TBC1D1: variants seen among roughly 807,000 people sequenced by gnomAD.
TBC1D1 encodes TBC1 (tre-2/USP6, BUB2, cdc16) domain family, member 1.
TBC1D1 carries 89 observed loss-of-function variants against 125.6 expected under a neutral mutation model. That is an observed-to-expected ratio of 0.71 (90% CI 0.60 to 0.85). TBC1D1 has a LOEUF of 0.85. Ranked by LOEUF, TBC1D1 falls within the 40% of genes least tolerant of loss-of-function variation. TBC1D1 has a pLI of 0.00. For missense variants in TBC1D1, 1,377 were observed against 1,469.2 expected, an observed-to-expected ratio of 0.94 and a Z score of 1.03; for synonymous variants, 565 against 564.1, an observed-to-expected ratio of 1.00 and a Z score of -0.02.
chr4:38,056,444 G>A (rs915119047), intron 12 of TBC1D1, among the ~76,000 whole-genome samples: 1 of 152,222 alleles, frequency 6.6e-6, no homozygotes, highest in Admixed American at 6.5e-5. Context: ...TCTGCTTTAA[G>A]TGATTAACTC....
intron 13 of TBC1D1, among the ~76,000 whole-genome samples, chr4:38,093,701 A>ATTT (rs71190953): frequency 1.3e-5 from 2 of 151,666 alleles, no homozygotes; most frequent in Non-Finnish European, 2.9e-5. Flanking sequence ...TATTATTAGT[A>ATTT]GTAGTAGTAG....
intron 2 of TBC1D1, among the ~76,000 whole-genome samples, chr4:37,911,596 A>G (rs981650311): frequency 6.6e-6 from 1 of 152,148 alleles, no homozygotes; most frequent in African/African-American, 2.4e-5. Context: ...CTGACCATGC[A>G]TTGGAAGTTG....
intron 2 of TBC1D1, among the ~76,000 whole-genome samples, chr4:37,929,434 T>A (rs1018092094): frequency 2.0e-5 from 3 of 152,142 alleles, no homozygotes; most frequent in African/African-American, 7.2e-5. Context: ...CCCCATGGGG[T>A]ATTTGTTAAG....
chr4:38,044,662 A>G (rs888020824), intron 9 of TBC1D1, among the ~76,000 whole-genome samples, 172 bp downstream of exon 9: 1 of 152,086 alleles, frequency 6.6e-6, no homozygotes, highest in Non-Finnish European at 1.5e-5. Flanking sequence ...ATTGTTTTTA[A>G]TTTGGCCTAG....
intron 17 of TBC1D1, among the ~76,000 whole-genome samples, 181 bp from the exon 20 acceptor site, chr4:38,124,781 A>G (rs1048871415): frequency 6.6e-6 from 1 of 152,116 alleles, no homozygotes; most frequent in African/African-American, 2.4e-5. Flanking sequence ...ATGTACTTTT[A>G]TTTGCAATAC....
intron 6 of TBC1D1, among the ~76,000 whole-genome samples, chr4:38,022,547 T>C (rs1744259618): frequency 6.6e-6 from 1 of 152,200 alleles, no homozygotes; most frequent in Non-Finnish European, 1.5e-5. Flanking sequence ...CAGCTAACTT[T>C]GTCTTTTTCA....
At position 38,059,678 on chromosome 4, in the gene TBC1D1, G is replaced by T. The variant is rs147665028; in HGVS notation, c.2050+5340G>T. On this transcript the variant is annotated intron_variant, in intron 12 of 19. Transcript: ENST00000261439. ...CTAGGCAGAGGGTGGCGTTAGCGAA[G>T]CTACTGCAGGTTGGGTGTGTTTAAG... 8.9e-3 allele frequency among the ~76,000 whole-genome samples: 1,351 copies of T among 152,342 alleles called. 20 individuals are homozygous for T. Among genetic ancestry groups the T allele is most frequent in the African/African-American group, 0.031 (1,285 of 41,566 alleles).
intron 12 of TBC1D1, among the ~76,000 whole-genome samples, chr4:38,067,602 A>T (rs1485043418): frequency 2.0e-5 from 3 of 152,146 alleles, no homozygotes. Context: ...GTCAGTGGGG[A>T]TACCTTTCCG....
At chr4:37,951,878 A>G in intron 2 of TBC1D1, 1 of 678,016 alleles carries the variant, frequency 1.5e-6, no homozygotes, top group Non-Finnish European at 2.8e-6. Context: ...AGCTATTACA[A>G]TACTGACATG....
intron 7 of TBC1D1, chr4:38,030,555 A>G (rs1745937786): frequency 6.6e-6 from 1 of 152,258 alleles, no homozygotes; most frequent in Non-Finnish European, 1.5e-5. Context: ...CTCAATGACC[A>G]TTCTTGGTTT....
chr4:37,918,675 C>T (rs546583218), intron 2 of TBC1D1, among the ~76,000 whole-genome samples: 5 of 152,060 alleles, frequency 3.3e-5, no homozygotes, highest in Admixed American at 1.3e-4. Flanking sequence ...CTCAAACTCC[C>T]GACCTCAGGT....
intron 2 of TBC1D1, among the ~76,000 whole-genome samples, chr4:38,011,947 C>G (rs1391377122): frequency 6.6e-6 from 1 of 152,200 alleles, no homozygotes; most frequent in African/African-American, 2.4e-5. Flanking sequence ...CCAACAAATT[C>G]ATGTGACTTC....
chr4:38,116,824 T>C (rs1328336789), intron 16 of TBC1D1, among the ~76,000 whole-genome samples: 1 of 152,192 alleles, frequency 6.6e-6, no homozygotes. Flanking sequence ...ATACTATGCC[T>C]TCAGAGCTCT....
At chr4:38,105,046 C>T (rs1305548025) in intron 15 of TBC1D1, among the ~76,000 whole-genome samples, 1 of 152,168 alleles carries the variant, frequency 6.6e-6, no homozygotes, top group Non-Finnish European at 1.5e-5. Flanking sequence ...TGAGCCACCA[C>T]ACCCGGCCCC....
chr4:38,123,427 G>A (rs1764164593), intron 17 of TBC1D1, among the ~76,000 whole-genome samples: 2 of 152,134 alleles, frequency 1.3e-5, no homozygotes, highest in South Asian at 4.1e-4. Flanking sequence ...TTTATTTTCT[G>A]TAGTGGGGAA....
chr4:38,034,168 A>AC, intron 7 of TBC1D1, among the ~76,000 whole-genome samples: 1 of 152,362 alleles, frequency 6.6e-6, no homozygotes, highest in Non-Finnish European at 1.5e-5. Flanking sequence ...GGCTCAGTGT[A>AC]CCCATAACCC....
At chr4:38,060,557 T>G (rs1752570423) in intron 12 of TBC1D1, 2 of 1,089,310 alleles carry the variant, frequency 1.8e-6, no homozygotes, top group Non-Finnish European at 2.5e-6. Flanking sequence ...AGAGACATAT[T>G]TGCTCCTCTG....
At chr4:37,953,987 C>A (rs888227691) in intron 2 of TBC1D1, among the ~76,000 whole-genome samples, 2 of 152,138 alleles carry the variant, frequency 1.3e-5, no homozygotes, top group Non-Finnish European at 2.9e-5. Context: ...GATTTCCAAG[C>A]GATTCATAGG....
chr4:37,934,764 C>T lies in TBC1D1; in HGVS notation c.417+32252C>T, dbSNP rs138965173. 2.6e-3 allele frequency among the ~76,000 whole-genome samples: 401 copies of T among 152,280 alleles called. 2 individuals are homozygous for T. The highest frequency in any genetic ancestry group is 9.3e-3 in the African/African-American group (385 of 41,566). ...GTCATTTTTCCACTTCTGTCATTGACCCACTTTTCTTCCCACCTGTATCAG... is the reference window on the plus strand; with the variant it reads ...GTCATTTTTCCACTTCTGTCATTGATCCACTTTTCTTCCCACCTGTATCAG... On this transcript the variant is annotated intron_variant, in intron 2 of 19. Transcript: ENST00000261439.
Sources: allele counts gnomAD v4.1 joint callset (sites outside exome capture counted in the v4.1 genomes callset), GRCh38; gene constraint gnomAD v4.1.1; transcripts MANE v1.5; gene names NCBI Gene and HGNC (gene_info 2026-07-23, HGNC 2026-07-21).